Variants in SIPA1L2 observed in about 807,000 individuals in gnomAD.
The protein encoded by SIPA1L2 is signal-induced proliferation-associated 1-like protein 2.
SIPA1L2 carries 56 observed loss-of-function variants against 163.9 expected under a neutral mutation model. The ratio of observed to expected loss-of-function variants is 0.34; its 90% CI spans 0.28 to 0.43. The LOEUF (loss-of-function observed/expected upper bound fraction) is 0.43, where lower values mean the gene tolerates loss of function less well. SIPA1L2 is among the 20% of genes least tolerant of loss of function. SIPA1L2 has a pLI of 1.00. For missense variants in SIPA1L2, 1,974 were observed against 2,193.5 expected (o/e 0.90, Z 2.00); for synonymous variants, 877 against 865.7 (o/e 1.01, Z -0.23).
chr1:232,536,938 T>C (rs543408458), intron 2 of SIPA1L2, among the ~76,000 whole-genome samples: 2 of 152,336 alleles, frequency 1.3e-5, no homozygotes, highest in South Asian at 2.1e-4. Context: ...CCACATCATG[T>C]CGTAATTACA....
chr1:232,400,045 G>A (rs187687939), intron 22 of SIPA1L2, among the ~76,000 whole-genome samples: 45 of 152,124 alleles, frequency 3.0e-4, no homozygotes, highest in Non-Finnish European at 1.0e-4. Flanking sequence ...TGCCCTCAAG[G>A]CTTCCTCGTT....
At chr1:232,508,192 T>C (rs535893209) in intron 3 of SIPA1L2, among the ~76,000 whole-genome samples, 1 of 152,286 alleles carries the variant, frequency 6.6e-6, no homozygotes, top group South Asian at 2.1e-4. Flanking sequence ...GACAATGATT[T>C]AGCCACTTTT....
At chr1:232,448,537 AAAC>A (rs1450337377) in intron 10 of SIPA1L2, among the ~76,000 whole-genome samples, 1 of 152,250 alleles carries the variant, frequency 6.6e-6, no homozygotes, top group Non-Finnish European at 1.5e-5. Context: ...CAAGAAACAG[AAAC>A]AACCTCAACT....
chr1:232,625,564 C>G (rs1663033464), intron 1 of SIPA1L2, among the ~76,000 whole-genome samples: 1 of 152,136 alleles, frequency 6.6e-6, no homozygotes, highest in African/African-American at 2.4e-5. Flanking sequence ...GTCTGGCCAC[C>G]AGAAAAGTAA....
At chr1:232,507,689 G>T (rs1286547622) in intron 3 of SIPA1L2, among the ~76,000 whole-genome samples, 1 of 152,178 alleles carries the variant, frequency 6.6e-6, no homozygotes, top group Admixed American at 6.5e-5. Flanking sequence ...TATCAAGCTG[G>T]TAAGTTTCTC....
intron 3 of SIPA1L2, among the ~76,000 whole-genome samples, chr1:232,505,811 C>G (rs1666705345): frequency 6.6e-6 from 1 of 152,056 alleles, no homozygotes; most frequent in Admixed American, 6.6e-5. Flanking sequence ...AGAACTCAGC[C>G]GATTATGTCT....
At chr1:232,577,377 G>C (rs1240446073) in intron 1 of SIPA1L2, among the ~76,000 whole-genome samples, 2 of 152,174 alleles carry the variant, frequency 1.3e-5, no homozygotes, top group Admixed American at 6.5e-5. Context: ...CTCTGACAGA[G>C]GTGTACAAGG....
At chr1:232,610,108 ATTATAT>A (rs1662165420) in intron 1 of SIPA1L2, among the ~76,000 whole-genome samples, 1 of 152,164 alleles carries the variant, frequency 6.6e-6, no homozygotes, top group Admixed American at 6.5e-5. Context: ...GTTTATTGTG[ATTATAT>A]TTAAAGAAAT....
chr1:232,597,570 G>A (rs965668149), intron 1 of SIPA1L2, among the ~76,000 whole-genome samples: 1 of 150,582 alleles, frequency 6.6e-6, no homozygotes, highest in African/African-American at 2.4e-5. Flanking sequence ...GGCGTCTGTA[G>A]TCCCAGCTAC....
At chr1:232,506,877 A>C (rs1257050415) in intron 3 of SIPA1L2, among the ~76,000 whole-genome samples, 1 of 151,612 alleles carries the variant, frequency 6.6e-6, no homozygotes, top group African/African-American at 2.4e-5. Context: ...AGCACTTATG[A>C]CTTACATTTG....
At chr1:232,489,757 T>C (rs1335470139) in intron 5 of SIPA1L2, among the ~76,000 whole-genome samples, 1 of 152,238 alleles carries the variant, frequency 6.6e-6, no homozygotes. Context: ...TCTAAAAATA[T>C]ACATTGTCAC....
chr1:232,581,211 G>C (rs1000340074), intron 1 of SIPA1L2, among the ~76,000 whole-genome samples: 5 of 152,132 alleles, frequency 3.3e-5, no homozygotes, highest in African/African-American at 1.2e-4. Context: ...ATGTCATGCT[G>C]TCCCCTGAGC....
intron 1 of SIPA1L2, among the ~76,000 whole-genome samples, chr1:232,611,246 T>C (rs1662220890): frequency 6.6e-6 from 1 of 152,196 alleles, no homozygotes; most frequent in Non-Finnish European, 1.5e-5. Context: ...CTTCCCAGTC[T>C]CAAATATATC....
chr1:232,607,760 T>C (rs12058928), intron 1 of SIPA1L2, among the ~76,000 whole-genome samples: 1 of 148,160 alleles, frequency 6.7e-6, no homozygotes, highest in Non-Finnish European at 1.5e-5. Context: ...ACCTCTTTTT[T>C]AAAAAAAAAA....
chr1:232,428,366 T>TG, intron 17 of SIPA1L2, 45 bp downstream of exon 17: 1 of 1,335,282 alleles, frequency 7.5e-7, no homozygotes, highest in Non-Finnish European at 9.8e-7. Flanking sequence ...TTTTTTTTTT[T>TG]TTTTTAGTGT....
intron 10 of SIPA1L2, among the ~76,000 whole-genome samples, chr1:232,458,173 C>A (rs114196476): frequency 4.0e-5 from 6 of 149,204 alleles, no homozygotes; most frequent in African/African-American, 1.2e-4. Flanking sequence ...GGAAAAAAAA[C>A]CCTGTATGTT....
At chr1:232,431,748 C>A (rs761817470) in intron 16 of SIPA1L2, among the ~76,000 whole-genome samples, 12 of 152,190 alleles carry the variant, frequency 7.9e-5, no homozygotes, top group Non-Finnish European at 1.5e-4. Context: ...ATTTTTAAAT[C>A]TTTTTCTTTT....
rs573720403 is a variant in SIPA1L2, at chr1:232,497,454, GA to G, written c.1484-3795del. On this transcript the variant is annotated intron_variant, in intron 3 of 22. Transcript: ENST00000674635. ...CACTCCCCCACAGCCTGTCAGTGGG[GA>G]CAGTACCTATTCCTCAAGTCATCAT... Among the ~76,000 whole-genome samples the G allele has an allele frequency of 4.7e-3, 715 of 152,292 alleles. 5 individuals are homozygous for G. Among genetic ancestry groups the G allele is most frequent in the African/African-American group, 0.017 (691 of 41,536 alleles).
chr1:232,575,377 C>A (rs1308674897), intron 1 of SIPA1L2, among the ~76,000 whole-genome samples: 1 of 152,176 alleles, frequency 6.6e-6, no homozygotes, highest in African/African-American at 2.4e-5. Flanking sequence ...AGGTCACCTA[C>A]CGGGAAGGCT....
Sources: allele counts gnomAD v4.1 joint callset (sites outside exome capture counted in the v4.1 genomes callset), GRCh38; gene constraint gnomAD v4.1.1; transcripts MANE v1.5; gene names NCBI Gene and HGNC (gene_info 2026-07-23, HGNC 2026-07-21).